The following SLC14A2 variants were observed in gnomAD, a reference collection of about 807,000 sequenced individuals.
SLC14A2 encodes the protein solute carrier family 14 member 2, also known as urea transporter 2.
Under a neutral mutation model 104.6 loss-of-function variants are expected in SLC14A2, and 91 were observed. The observed-to-expected ratio is 0.87, with a 90% CI of 0.73 to 1.04. SLC14A2 has a LOEUF of 1.04. SLC14A2 is among the 50% of genes least tolerant of loss of function. The probability of loss-of-function intolerance (pLI) is 0.00; values close to 1 mark genes in which losing one functional copy is unlikely to be tolerated. For synonymous variants in SLC14A2, 476 were observed against 466.4 expected (o/e 1.02, Z -0.27); for missense variants, 1,189 against 1,156.0 (o/e 1.03, Z -0.41).
chr18:45,604,742 C>A (rs891863627), intron 2 of SLC14A2, among the ~76,000 whole-genome samples: 15 of 152,152 alleles, frequency 9.9e-5, no homozygotes, highest in Non-Finnish European at 4.4e-5. Context: ...TGTCAAGGCA[C>A]AATGCACACT....
Position 45,641,362 on chromosome 18 carries a change from T to C in SLC14A2, c.1126+19T>C, listed in dbSNP as rs746461324. On this transcript the variant is annotated intron_variant, in intron 8 of 19. Coordinates refer to ENST00000255226, the MANE Select transcript of SLC14A2 (RefSeq NM_007163.4). ...ATCTGTGGTAGGTGTTCAGAAAAGC[T>C]GACAACCAGGTTATTCTGGCTATTC... The C allele has an allele frequency of 6.2e-7, 1 of 1,614,084 alleles. No individual in the cohort carries two copies. The highest frequency in any genetic ancestry group is 8.5e-7 in the Non-Finnish European group (1 of 1,179,956).
intron 1 of SLC14A2, among the ~76,000 whole-genome samples, chr18:45,321,501 T>C (rs1307513575): frequency 6.6e-6 from 1 of 152,194 alleles, no homozygotes; most frequent in Non-Finnish European, 1.5e-5. Context: ...CTGTAGTCAC[T>C]GACACATCCT....
intron 1 of SLC14A2, among the ~76,000 whole-genome samples, chr18:45,384,375 C>T (rs151334530): frequency 3.0e-3 from 452 of 152,304 alleles, no homozygotes; most frequent in Non-Finnish European, 5.0e-3. Context: ...AACAAATTCT[C>T]TTGCTGTAAA....
intron 2 of SLC14A2, among the ~76,000 whole-genome samples, chr18:45,562,641 G>A (rs758101207): frequency 6.6e-5 from 10 of 152,150 alleles, no homozygotes; most frequent in South Asian, 4.1e-4. Context: ...TTGTTGGCCC[G>A]GGCAGCCGGC....
At chr18:45,193,095 T>C in the SLC14A2 span, among the ~76,000 whole-genome samples, 7 of 152,374 alleles carry the variant, frequency 4.6e-5, no homozygotes, top group African/African-American at 1.7e-4. Flanking sequence ...GAGTTGATTA[T>C]TTTATTATGT....
At chr18:45,262,330 C>T (rs932851343) in intron 1 of SLC14A2, among the ~76,000 whole-genome samples, 11 of 152,104 alleles carry the variant, frequency 7.2e-5, no homozygotes, top group Non-Finnish European at 1.6e-4. Context: ...GAACCAGCAA[C>T]ATAAACCTAG....
chr18:45,635,779 T>C (rs1045355919), intron 5 of SLC14A2, among the ~76,000 whole-genome samples: 1 of 152,066 alleles, frequency 6.6e-6, no homozygotes, highest in Non-Finnish European at 1.5e-5. Flanking sequence ...CTGATGAGAA[T>C]GATCCAAAGA....
At chr18:45,409,633 C>T (rs2086193266) in intron 1 of SLC14A2, among the ~76,000 whole-genome samples, 1 of 152,154 alleles carries the variant, frequency 6.6e-6, no homozygotes, top group Non-Finnish European at 1.5e-5. Context: ...GGGGAGCTTT[C>T]CTCCTACCCA....
intron 2 of SLC14A2, among the ~76,000 whole-genome samples, chr18:45,505,617 G>A (rs572874943): frequency 9.9e-5 from 15 of 152,250 alleles, no homozygotes; most frequent in African/African-American, 3.1e-4. Context: ...CGTGGCATCT[G>A]GGACATGGTA....
intron 1 of SLC14A2, among the ~76,000 whole-genome samples, chr18:45,218,362 A>T (rs1333458651): frequency 1.3e-5 from 2 of 152,232 alleles, no homozygotes; most frequent in African/African-American, 4.8e-5. Context: ...TTCAAGGCTG[A>T]ATAATATTCT....
chr18:45,195,718 G>A, the SLC14A2 span, among the ~76,000 whole-genome samples: 10 of 152,166 alleles, frequency 6.6e-5, no homozygotes, highest in Non-Finnish European at 1.5e-4. Flanking sequence ...TCTGGCATGC[G>A]GGGAAAGTAA....
At chr18:45,648,482 G>A (rs141155889) in intron 10 of SLC14A2, among the ~76,000 whole-genome samples, 1 of 152,140 alleles carries the variant, frequency 6.6e-6, no homozygotes, top group Non-Finnish European at 1.5e-5. Context: ...TGGGATTACA[G>A]GCATGAGCCA....
intron 4 of SLC14A2, among the ~76,000 whole-genome samples, chr18:45,629,616 A>C (rs936900141): frequency 2.6e-5 from 4 of 152,098 alleles, no homozygotes; most frequent in African/African-American, 9.7e-5. Flanking sequence ...TCTACTGTCC[A>C]GCTGAGATGA....
intron 1 of SLC14A2, among the ~76,000 whole-genome samples, chr18:45,316,733 C>G (rs1423995574): frequency 6.6e-6 from 1 of 152,196 alleles, no homozygotes; most frequent in African/African-American, 2.4e-5. Context: ...CTGAAGGACT[C>G]TTCGCACAGG....
At position 45,624,639 on chromosome 18, in the gene SLC14A2, T is replaced by G. The variant is rs1312995809; in HGVS notation, c.-26T>G. ...CCTTTCCTTCCGTCTAGTCCATCGA[T>G]AGAAGAGTGGCTGTGACCCGAAGGA... On this transcript the variant is annotated 5_prime_UTR_variant, in exon 2 of 20. It removes the in-frame stop codon of an upstream open reading frame in the 5' UTR. Transcript: ENST00000255226. The G allele has an allele frequency of 6.2e-7, 1 of 1,601,868 alleles. No homozygotes were observed. Among genetic ancestry groups the G allele is most frequent in the Non-Finnish European group, 8.5e-7 (1 of 1,173,378 alleles).
chr18:45,463,770 T>C (rs541527168), intron 1 of SLC14A2, among the ~76,000 whole-genome samples: 1 of 152,278 alleles, frequency 6.6e-6, no homozygotes, highest in South Asian at 2.1e-4. Context: ...AGTGTGTGGA[T>C]ATGGGCTAAC....
chr18:45,355,687 C>T (rs1364817966), intron 1 of SLC14A2, among the ~76,000 whole-genome samples: 1 of 151,650 alleles, frequency 6.6e-6, no homozygotes, highest in South Asian at 2.1e-4. Flanking sequence ...CACACTCCCA[C>T]AGTCAGGCTA....
intron 2 of SLC14A2, among the ~76,000 whole-genome samples, chr18:45,540,313 A>T (rs1474739610): frequency 6.6e-6 from 1 of 152,016 alleles, no homozygotes; most frequent in Non-Finnish European, 1.5e-5. Flanking sequence ...GGACCTTCGC[A>T]TTCCTTTCCA....
chr18:45,622,529 G>T (rs1305627810), intron 1 of SLC14A2, among the ~76,000 whole-genome samples: 11 of 152,158 alleles, frequency 7.2e-5, no homozygotes, highest in Non-Finnish European at 1.5e-5. Context: ...AGTTTTGAGG[G>T]TCATCGGCAG....
Sources: allele counts gnomAD v4.1 joint callset (sites outside exome capture counted in the v4.1 genomes callset), GRCh38; gene constraint gnomAD v4.1.1; transcripts MANE v1.5; gene names NCBI Gene and HGNC (gene_info 2026-07-23, HGNC 2026-07-21).